The following LHFPL3 variants were observed in gnomAD, a reference collection of about 807,000 sequenced individuals.
The protein encoded by LHFPL3 is LHFPL tetraspan subfamily member 3, also known as LHFPL tetraspan subfamily member 3 protein.
In LHFPL3, 5 loss-of-function variants were observed where a neutral mutation model predicts 19.3. The ratio of observed to expected loss-of-function variants is 0.26; its 90% confidence interval spans 0.14 to 0.54. LHFPL3 has a LOEUF of 0.54. LHFPL3 is among the 20% of genes least tolerant of loss of function. The probability of loss-of-function intolerance (pLI) is 0.94; values close to 1 mark genes in which losing one functional copy is unlikely to be tolerated. For missense variants in LHFPL3, 249 were observed against 307.4 expected (o/e 0.81, Z 1.42); for synonymous variants, 133 against 126.2 (o/e 1.05, Z -0.36).
chr7:104,708,932 A>G (rs1159237091), intron 1 of LHFPL3, among the ~76,000 whole-genome samples: 1 of 152,162 alleles, frequency 6.6e-6, no homozygotes, highest in Non-Finnish European at 1.5e-5. Flanking sequence ...TGGACCTGGG[A>G]CATAAATAAC....
chr7:104,879,369 T>C lies in LHFPL3; in HGVS notation c.683-26818T>C, dbSNP rs760622640. ...AGGCAAGGGTTGCAGTGAGTTGAGA[T>C]TGCACCACTATGCTCTGGTCTGTGC... is the stretch of plus-strand genomic sequence containing the variant. On this transcript the variant is annotated intron_variant, in intron 2 of 2. Transcript: ENST00000424859. 3.9e-5 allele frequency among the ~76,000 whole-genome samples: 6 copies of C among 152,084 alleles called. 1 individual carries two copies. In the Middle Eastern group the frequency reaches 0.01, roughly 259 times the overall value.
At chr7:104,731,513 G>C (rs1187477335) in intron 1 of LHFPL3, among the ~76,000 whole-genome samples, 2 of 152,024 alleles carry the variant, frequency 1.3e-5, no homozygotes, top group African/African-American at 4.8e-5. Context: ...CTCATGATTC[G>C]GCTCTATGTT....
intron 1 of LHFPL3, among the ~76,000 whole-genome samples, chr7:104,579,785 C>T (rs756657850): frequency 9.9e-5 from 15 of 152,162 alleles, no homozygotes; most frequent in Non-Finnish European, 1.8e-4. Context: ...TACTGAGCAC[C>T]CATCATGAAC....
rs147097278 is a variant in LHFPL3, at chr7:104,853,758, T to C, written c.683-52429T>C. On this transcript the variant is annotated intron_variant, in intron 2 of 2. Transcript: ENST00000424859. ...TTTTTGAACAATTTTCATTTAACAC[T>C]GGATCTGCAAATTATGTAGCTGGTC... Among the ~76,000 whole-genome samples the C allele has an allele frequency of 1.6e-4, 25 of 152,360 alleles. No homozygotes were observed. The East Asian group carries it at 4.2e-3, about 26-fold the overall frequency.
intron 1 of LHFPL3, among the ~76,000 whole-genome samples, chr7:104,408,359 A>T (rs1221900241): frequency 6.7e-5 from 10 of 149,110 alleles, no homozygotes; most frequent in African/African-American, 9.8e-5. Flanking sequence ...TTGTGGCAAC[A>T]TTTTTTTTTT....
chr7:104,664,769 G>C (rs1792299488), intron 1 of LHFPL3, among the ~76,000 whole-genome samples: 1 of 152,202 alleles, frequency 6.6e-6, no homozygotes, highest in Non-Finnish European at 1.5e-5. Context: ...AGAAAGGATA[G>C]AGAACACACA....
At chr7:104,614,170 T>C (rs1013326621) in intron 1 of LHFPL3, among the ~76,000 whole-genome samples, 8 of 152,180 alleles carry the variant, frequency 5.3e-5, no homozygotes, top group Admixed American at 5.2e-4. Flanking sequence ...GGAAGAAACT[T>C]ATCTAAAGTT....
chr7:104,849,994 C>T (rs1009581622), intron 2 of LHFPL3, among the ~76,000 whole-genome samples: 3 of 152,146 alleles, frequency 2.0e-5, no homozygotes, highest in Non-Finnish European at 4.4e-5. Flanking sequence ...CTATTAGGTT[C>T]GTGCAAAAGT....
In LHFPL3 at chr7:104,906,312, T is replaced by C. The variant is rs543271674; in HGVS notation, c.*97T>C. On this transcript the variant is annotated 3_prime_UTR_variant, in exon 3 of 3. Coordinates refer to ENST00000424859, the MANE Select transcript of LHFPL3 (RefSeq NM_199000.3). Reference sequence around the variant, plus strand: ...CATCAACATCAAGAAGGAATACGCCTGAGAGAGATCAGAGTATATAGATGA... The same window carrying C: ...CATCAACATCAAGAAGGAATACGCCCGAGAGAGATCAGAGTATATAGATGA... 1.5e-6 allele frequency: 2 copies of C among 1,365,774 alleles called. No individual in the cohort carries two copies. The highest frequency in any genetic ancestry group is 2.5e-5 in the South Asian group (2 of 80,052). 84.6% of individuals were successfully genotyped at this position (1,365,774 alleles called of 1,614,324 possible).
chr7:104,590,620 C>A (rs1412629844), intron 1 of LHFPL3, among the ~76,000 whole-genome samples: 1 of 152,150 alleles, frequency 6.6e-6, no homozygotes, highest in South Asian at 2.1e-4. Context: ...CTGTAATTGT[C>A]TATTAGGTCC....
intron 1 of LHFPL3, among the ~76,000 whole-genome samples, chr7:104,389,141 A>G (rs1791008393): frequency 6.6e-6 from 1 of 152,190 alleles, no homozygotes; most frequent in South Asian, 2.1e-4. Context: ...ACACACATAC[A>G]AAACTATTAG....
intron 2 of LHFPL3, chr7:104,826,394 CA>C (rs1217943085): frequency 6.2e-6 from 1 of 160,966 alleles, no homozygotes; most frequent in African/African-American, 2.4e-5. Context: ...TGCATCAGCG[CA>C]GTCCATCCCA....
At chr7:104,665,835 C>G (rs1366091210) in intron 1 of LHFPL3, among the ~76,000 whole-genome samples, 1 of 152,176 alleles carries the variant, frequency 6.6e-6, no homozygotes, top group Non-Finnish European at 1.5e-5. Context: ...TTTACAATCT[C>G]CTAACTAGCA....
At chr7:104,889,292 G>T (rs576272228) in intron 2 of LHFPL3, among the ~76,000 whole-genome samples, 1 of 152,206 alleles carries the variant, frequency 6.6e-6, no homozygotes, top group African/African-American at 2.4e-5. Flanking sequence ...ATGAAGTGGG[G>T]TGACTCTTCA....
rs1442014633 is a variant in LHFPL3, at chr7:104,399,154, G to C, written c.445+69930G>C. Among the ~76,000 whole-genome samples, 4 of 152,132 alleles carry C rather than the reference G, an allele frequency of 2.6e-5. No homozygotes were observed. Among genetic ancestry groups the C allele is most frequent in the Non-Finnish European group, 4.4e-5 (3 of 68,036 alleles). ...CCTATGGGGTTTTCTGGGGAATGGA[G>C]AGTTTCAGTGAGCTGCCCCAGGAGC... On this transcript the variant is annotated intron_variant, in intron 1 of 2. Coordinates refer to ENST00000424859, the MANE Select transcript of LHFPL3 (RefSeq NM_199000.3). The surrounding 1 kb of genome is among the most constrained non-coding windows in gnomAD (Gnocchi z 4.4).
At chr7:104,417,283 C>T (rs548448732) in intron 1 of LHFPL3, among the ~76,000 whole-genome samples, 2 of 152,280 alleles carry the variant, frequency 1.3e-5, no homozygotes, top group Admixed American at 1.3e-4. Context: ...TCTTCAACTG[C>T]ATATTCACAG....
intron 1 of LHFPL3, among the ~76,000 whole-genome samples, chr7:104,498,391 C>T (rs758585306): frequency 3.3e-5 from 5 of 152,092 alleles, no homozygotes; most frequent in Admixed American, 6.5e-5. Flanking sequence ...ATCTTGTCTT[C>T]GTGCTCAAAG....
At chr7:104,514,026 A>T (rs1315255213) in intron 1 of LHFPL3, among the ~76,000 whole-genome samples, 1 of 152,136 alleles carries the variant, frequency 6.6e-6, no homozygotes, top group Non-Finnish European at 1.5e-5. Context: ...AAGGTAGAGG[A>T]TTTATTAATA....
intron 2 of LHFPL3, among the ~76,000 whole-genome samples, chr7:104,892,189 T>A (rs1792257211): frequency 6.6e-6 from 1 of 152,200 alleles, no homozygotes; most frequent in African/African-American, 2.4e-5. Context: ...CCTTTTGGTG[T>A]GCTGAGAGTC....
Sources: gnomAD v4.1 joint callset for allele counts (sites outside exome capture counted in the v4.1 genomes callset) on GRCh38, gnomAD v4.1.1 for gene constraint, Gnocchi (gnomAD v3.1) non-coding constraint, MANE v1.5 for transcripts, NCBI Gene and HGNC (gene_info 2026-07-23, HGNC 2026-07-21) for gene names.